The following ERCC6 variants were observed in gnomAD, a reference collection of about 807,000 sequenced individuals.
ERCC6 encodes the protein ERCC excision repair 6, chromatin remodeling factor.
Under a neutral mutation model 158.7 loss-of-function variants are expected in ERCC6, and 116 were observed. The observed-to-expected ratio is 0.73, with a 90% confidence interval of 0.63 to 0.85. The LOEUF (loss-of-function observed/expected upper bound fraction) is 0.85. Among genes scored for constraint, ERCC6 ranks in the 40% least tolerant of loss-of-function variants. The pLI is 0.00. For synonymous variants in ERCC6, 678 were observed against 659.3 expected (o/e 1.03, Z -0.43); for missense variants, 1,698 against 1,799.4 (o/e 0.94, Z 1.02).
chr10:49,483,627 G>C (rs1590418487), intron 8 of ERCC6, 111 bp from the exon 9 acceptor site: 2 of 1,076,340 alleles, frequency 1.9e-6, no homozygotes, highest in East Asian at 5.0e-5. Context: ...AACATAACAT[G>C]CACAATCACA....
At chr10:49,490,619 C>G (rs765225415) in intron 8 of ERCC6, among the ~76,000 whole-genome samples, 24 of 152,184 alleles carry the variant, frequency 1.6e-4, no homozygotes, top group South Asian at 4.1e-4. Flanking sequence ...TCCCAAAGTG[C>G]TGGGATTACA....
In ERCC6 at chr10:49,539,065, A is replaced by G. The variant is rs1456304664; in HGVS notation, c.-118T>C. ...TGGCGCCTGCGCCCTCAGCTCAACC[A>G]TAGACACCGCCCCCAACAGCGACTC... On this transcript the variant is annotated 5_prime_UTR_variant, in exon 1 of 21. An upstream start codon of the reference 5' UTR is lost. Coordinates refer to ENST00000355832, the MANE Select transcript of ERCC6 (RefSeq NM_000124.4). 6.6e-6 allele frequency: 1 copy of G among 152,326 alleles called. No homozygotes were observed. Among genetic ancestry groups the G allele is most frequent in the African/African-American group, 2.4e-5 (1 of 41,434 alleles). 9.4% of individuals were successfully genotyped at this position (152,326 alleles called of 1,614,324 possible). A position where few individuals can be genotyped will look rare whatever the true frequency, so the allele number is the denominator to read the frequency against.
At chr10:49,438,323 AG>A in the ERCC6 span, among the ~76,000 whole-genome samples, 47 of 152,342 alleles carry the variant, frequency 3.1e-4, no homozygotes, top group African/African-American at 1.1e-3. Flanking sequence ...GGGAGGCCTC[AG>A]AATCATGGTG....
intron 13 of ERCC6, 46 bp downstream of exon 13, chr10:49,473,981 G>C (rs756392659): frequency 6.5e-7 from 1 of 1,549,834 alleles, no homozygotes; most frequent in Non-Finnish European, 8.9e-7. Context: ...GTTGATGGCT[G>C]TCATAAAGAA....
Position 49,524,449 on chromosome 10 carries a change from A to G in ERCC6, c.981T>C (p.Arg327=), listed in dbSNP as rs1837259972. ...KARVLSKKEE[R]LKKHIKKLQK... ...GGAGTTTCTTGATGTGCTTTTTCAA[A>G]CGCTCCTCTTTTTTGGACAGAACTC... Residue 327 remains arginine, a synonymous_variant, in exon 5 of 21, where the codon CGT becomes CGC. Coordinates refer to ENST00000355832, the MANE Select transcript of ERCC6 (RefSeq NM_000124.4). 6.2e-7 allele frequency: 1 copy of G among 1,613,964 alleles called. No homozygotes were observed. The highest frequency in any genetic ancestry group is 1.3e-5 in the African/African-American group (1 of 74,872).
In ERCC6 at chr10:49,515,368, G is replaced by A. The variant is rs767860936; in HGVS notation, c.1397+8665C>T. The A allele has an allele frequency of 1.9e-6, 3 of 1,613,568 alleles. No individual in the cohort carries two copies. The East Asian group carries it at 6.7e-5, about 36-fold the overall frequency. ...TGATATTCAACGGAACACTTCACAT[G>A]TAAGGCAACATCACATTTTTCACAT... On this transcript the variant is annotated intron_variant, in intron 5 of 20. Coordinates refer to ENST00000355832, the MANE Select transcript of ERCC6 (RefSeq NM_000124.4).
intron 5 of ERCC6, 102 bp downstream of exon 5, chr10:49,523,931 G>A (rs1590473388): frequency 6.6e-7 from 1 of 1,524,564 alleles, no homozygotes; most frequent in Non-Finnish European, 8.9e-7. Context: ...AATCGGGGGG[G>A]TCTAATATAT....
In ERCC6 at chr10:49,474,181, C is replaced by A. The variant is rs1244031899; in HGVS notation, c.2444G>T (p.Gly815Val). The A allele has an allele frequency of 6.2e-7, 1 of 1,614,096 alleles. No individual in the cohort carries two copies. ...ICNHPDLFSG[G>V]PKNLKGLPDD... ...AGGAAGACCTTTGAGATTCTTGGGA[C>A]CTCCAGAAAAGAGATCAGGGTGGTT... is the stretch of plus-strand genomic sequence containing the variant. Residue 815 changes from glycine to valine, a missense_variant, in exon 13 of 21, where the codon GGT becomes GTT. Physicochemically the swap from Gly to Val is moderately radical, Grantham distance 109. Coordinates refer to ENST00000355832, the MANE Select transcript of ERCC6 (RefSeq NM_000124.4).
rs141391984 is a variant in ERCC6, at chr10:49,524,272, G to A, written c.1158C>T (p.Asp386=). Residue 386 remains aspartate, a synonymous_variant, in exon 5 of 21, where the codon GAC becomes GAT. Coordinates refer to ENST00000355832, the MANE Select transcript of ERCC6 (RefSeq NM_000124.4). ...GGTCCGCCTCTGCCCCCTCCACCTC[G>A]TCATCTTCCTCCTCTTCCTCCTCCT... The part of the protein sequence containing the change: ...PTEEEEEEED[D]EVEGAEADLS... 9.9e-6 allele frequency: 16 copies of A among 1,613,696 alleles called. No individual in the cohort carries two copies. Among genetic ancestry groups the A allele is most frequent in the African/African-American group, 6.7e-5 (5 of 74,830 alleles).
In ERCC6 at chr10:49,493,153, T is replaced by C. The variant is rs1407793026; in HGVS notation, c.1785A>G (p.Ala595=). The change falls in exon 8 of 21, where the codon GCA becomes GCG. Residue 595 remains alanine, a synonymous_variant. Coordinates refer to ENST00000355832, the MANE Select transcript of ERCC6 (RefSeq NM_000124.4). The part of the protein sequence containing the change: ...FHTWWPPFRV[A]ILHETGSYTH... ...TATAGGAACCGGTTTCATGTAGAAT[T>C]GCCACTCTGAACGGAGGCCACCACG... The C allele has an allele frequency of 6.2e-7, 1 of 1,614,144 alleles. No individual in the cohort carries two copies. Among genetic ancestry groups the C allele is most frequent in the Non-Finnish European group, 8.5e-7 (1 of 1,180,016 alleles).
At chr10:49,515,355 G>T in intron 5 of ERCC6, 1 of 1,612,040 alleles carries the variant, frequency 6.2e-7, no homozygotes, top group African/African-American at 1.3e-5. Context: ...ATATTCAACG[G>T]AACACTTCAC....
chr10:49,465,391 A>T (rs1202863592), intron 18 of ERCC6, among the ~76,000 whole-genome samples: 2 of 152,184 alleles, frequency 1.3e-5, no homozygotes, highest in Non-Finnish European at 2.9e-5. Context: ...TAGGCAGAAG[A>T]GACTTGCCTG....
intron 10 of ERCC6, among the ~76,000 whole-genome samples, chr10:49,480,714 T>C (rs369223136): frequency 4.6e-5 from 7 of 152,286 alleles, no homozygotes; most frequent in Admixed American, 1.3e-4. Context: ...ACATCACCCA[T>C]AGTGGAACAA....
rs566733220 is a variant in ERCC6 at position 49,454,861 on chromosome 10, G to A, written c.*3954C>T. ...GATAAATGGACCAATTTAACAGAAT[G>A]CAGAGCCAAGAAACATTTCCGTACA... is the stretch of plus-strand genomic sequence containing the variant. On this transcript the variant is annotated 3_prime_UTR_variant, in exon 21 of 21. Coordinates refer to ENST00000355832, the MANE Select transcript of ERCC6 (RefSeq NM_000124.4). Among the ~76,000 whole-genome samples, 1 of 152,272 alleles carries A rather than the reference G, an allele frequency of 6.6e-6. No individual in the cohort carries two copies. The highest frequency in any genetic ancestry group is 2.1e-4 in the South Asian group (1 of 4,828).
At chr10:49,516,635 C>G in intron 5 of ERCC6, 1 of 1,614,178 alleles carries the variant, frequency 6.2e-7, no homozygotes, top group Non-Finnish European at 8.5e-7. Context: ...AGTTGGAGTA[C>G]TTGACAATGA....
At position 49,459,157 on chromosome 10, in the gene ERCC6, T is replaced by G. The variant is rs751666822; in HGVS notation, c.4140A>C (p.Ser1380=). The G allele has an allele frequency of 4.3e-6, 7 of 1,614,128 alleles. No individual in the cohort carries two copies. In the African/African-American group the frequency reaches 9.3e-5, roughly 22 times the overall value. ...GTGAGGAGGAAGCGAGGGGCCCGGATGAAGAGTCTGCATCTTCTGCTCTTC... is the reference window on the plus strand; with the variant it reads ...GTGAGGAGGAAGCGAGGGGCCCGGAGGAAGAGTCTGCATCTTCTGCTCTTC... ...FSGRAEDADS[S]SGPLASSSLL... Residue 1380 remains serine (S), a synonymous_variant, in exon 21 of 21, where the codon TCA becomes TCC. Transcript: ENST00000355832.
the ERCC6 span, among the ~76,000 whole-genome samples, chr10:49,436,559 C>G: frequency 2.6e-5 from 4 of 152,006 alleles, no homozygotes; most frequent in Non-Finnish European, 5.9e-5. Context: ...TGTCTGAAAC[C>G]ATTAGACATA....
intron 10 of ERCC6, among the ~76,000 whole-genome samples, chr10:49,479,235 A>G (rs1850934031): frequency 6.6e-6 from 1 of 152,198 alleles, no homozygotes; most frequent in Non-Finnish European, 1.5e-5. Flanking sequence ...GTAAATTACT[A>G]TTTCATGGAA....
At chr10:49,515,760 A>T in intron 5 of ERCC6, 1 of 1,614,176 alleles carries the variant, frequency 6.2e-7, no homozygotes, top group Non-Finnish European at 8.5e-7. Flanking sequence ...CACTTTGATC[A>T]TGTTTGGCTG....
Sources: allele counts gnomAD v4.1 joint callset (sites outside exome capture counted in the v4.1 genomes callset), GRCh38; gene constraint gnomAD v4.1.1; transcripts MANE v1.5; gene names NCBI Gene and HGNC (gene_info 2026-07-23, HGNC 2026-07-21).